SLC46A3: variants seen among roughly 807,000 people sequenced by gnomAD.
SLC46A3 encodes the protein lysosomal proton-coupled steroid conjugate and bile acid symporter SLC46A3.
Under a neutral mutation model 38.5 loss-of-function variants are expected in SLC46A3, and 26 were observed. The ratio of observed to expected loss-of-function variants is 0.68; its 90% CI spans 0.49 to 0.94. The LOEUF is 0.94. SLC46A3 is among the 40% of genes least tolerant of loss of function. SLC46A3 has a pLI of 0.00. For synonymous variants in SLC46A3, 185 were observed against 192.5 expected, an observed-to-expected ratio of 0.96 and a Z score of 0.32; for missense variants, 510 against 544.3, an observed-to-expected ratio of 0.94 and a Z score of 0.63.
intron 4 of SLC46A3, among the ~76,000 whole-genome samples, chr13:28,709,180 G>C (rs1021607248): frequency 1.1e-4 from 17 of 151,940 alleles, no homozygotes; most frequent in South Asian, 4.2e-4. Context: ...AAATTAGCCA[G>C]GCATGGTGGC....
At chr13:28,702,490 A>G (rs981472324) in intron 5 of SLC46A3, among the ~76,000 whole-genome samples, 1 of 152,210 alleles carries the variant, frequency 6.6e-6, no homozygotes, top group African/African-American at 2.4e-5. Flanking sequence ...TGAACTTTGA[A>G]AAAAGAGCTT....
Position 28,712,987 on chromosome 13 carries a change from A to G in SLC46A3, c.753T>C (p.Asn251=), listed in dbSNP as rs1399654713. The change falls in exon 3 of 6, where the codon AAT becomes AAC. Residue 251 remains asparagine, a synonymous_variant. Transcript: ENST00000266943. ...GCAAAAATCGTCTCTTACCAGAAGC[A>G]TTCTTAAAAAGCATGTAAGTTCGGT... ...LFYRTYMLFK[N]ASGKRRFLLC... 6.2e-7 allele frequency: 1 copy of G among 1,613,496 alleles called. No homozygotes were observed. The highest frequency in any genetic ancestry group is 2.2e-5 in the East Asian group (1 of 44,870).
chr13:28,712,975 C>G lies in SLC46A3; in HGVS notation c.765G>C (p.Lys255Asn). Residue 255 changes from lysine (K) to asparagine (N), a missense_variant, in exon 3 of 6, where the codon AAG becomes AAC. Lys to Asn is a moderately conservative substitution (Grantham distance 94, BLOSUM62 0). Transcript: ENST00000266943. ...GTAACAAACAGAGCAAAAATCGTCTCTTACCAGAAGCATTCTTAAAAAGCA... is the reference window on the plus strand; with the variant it reads ...GTAACAAACAGAGCAAAAATCGTCTGTTACCAGAAGCATTCTTAAAAAGCA... Reference protein sequence around the residue: ...TYMLFKNASGKRRFLLCLLLF... With the variant: ...TYMLFKNASGNRRFLLCLLLF... 1 of 1,613,220 alleles carries G rather than the reference C, an allele frequency of 6.2e-7. No individual in the cohort carries two copies.
In SLC46A3 at chr13:28,700,901, A is replaced by G. The variant is rs576921249; in HGVS notation, c.*596T>C. 1.0e-5 allele frequency: 14 copies of G among 1,387,212 alleles called. No individual in the cohort carries two copies. In the African/African-American group the frequency reaches 2.0e-4, roughly 20 times the overall value. The allele number at this position is 1,387,212 out of a possible 1,614,324, so 85.9% of individuals were successfully genotyped here. A position where few individuals can be genotyped will look rare whatever the true frequency, so the allele number is the denominator to read the frequency against. On this transcript the variant is annotated 3_prime_UTR_variant, in exon 6 of 6. Transcript: ENST00000266943. ...AGCACTGATTGTGGAATTCATGTAT[A>G]GTCTTCAGAAGTCACAGTATATAAG...
chr13:28,702,569 TTG>T, intron 5 of SLC46A3, among the ~76,000 whole-genome samples: 2 of 152,334 alleles, frequency 1.3e-5, no homozygotes, highest in East Asian at 3.9e-4. Context: ...GTAAGATCAG[TTG>T]TCTCATGTGC....
At chr13:28,706,639 T>G (rs1459584796) in intron 4 of SLC46A3, among the ~76,000 whole-genome samples, 5 of 152,336 alleles carry the variant, frequency 3.3e-5, no homozygotes, top group African/African-American at 1.2e-4. Flanking sequence ...TTTGAACTCC[T>G]GGTCTCAAGT....
chr13:28,712,998 G>C lies in SLC46A3; in HGVS notation c.742C>G (p.Leu248Val). The C allele has an allele frequency of 6.2e-7, 1 of 1,613,264 alleles. No individual in the cohort carries two copies. Among genetic ancestry groups the C allele is most frequent in the African/African-American group, 1.3e-5 (1 of 74,992 alleles). ...CTCTTACCAGAAGCATTCTTAAAAA[G>C]CATGTAAGTTCGGTAAAATAGGTTT... Reference protein sequence around the residue: ...FKNLFYRTYMLFKNASGKRRF... With the variant: ...FKNLFYRTYMVFKNASGKRRF... Residue 248 changes from leucine to valine, a missense_variant, in exon 3 of 6, where the codon CTT becomes GTT. Coordinates refer to ENST00000266943, the MANE Select transcript of SLC46A3 (RefSeq NM_181785.4).
chr13:28,709,960 T>C (rs906724337), intron 4 of SLC46A3, among the ~76,000 whole-genome samples: 6 of 152,226 alleles, frequency 3.9e-5, no homozygotes, highest in Non-Finnish European at 5.9e-5. Flanking sequence ...ATCAGAGGCC[T>C]ATATATTATA....
At chr13:28,708,695 G>A (rs556999356) in intron 4 of SLC46A3, among the ~76,000 whole-genome samples, 12 of 147,764 alleles carry the variant, frequency 8.1e-5, no homozygotes, top group African/African-American at 2.5e-4. Context: ...TCCTAACCTC[G>A]GGTCATCCAC....
At chr13:28,711,292 C>T (rs980561698) in intron 3 of SLC46A3, among the ~76,000 whole-genome samples, 1 of 152,024 alleles carries the variant, frequency 6.6e-6, no homozygotes, top group Non-Finnish European at 1.5e-5. Flanking sequence ...GGCGTGGTGG[C>T]GCATGCCTGC....
chr13:28,700,945 G>A lies in SLC46A3; in HGVS notation c.*552C>T, dbSNP rs1884998594. The A allele has an allele frequency of 2.6e-6, 4 of 1,512,354 alleles. No individual in the cohort carries two copies. The African/African-American group carries it at 5.5e-5, about 21-fold the overall frequency. The allele number at this position is 1,512,354 out of a possible 1,614,324, so 93.7% of individuals were successfully genotyped here. On this transcript the variant is annotated 3_prime_UTR_variant, in exon 6 of 6. Transcript: ENST00000266943. ...ATATAAGCTCCGACTATCAATAGCA[G>A]CTTAACAGGCTCTATAAAATAAAGC... is the stretch of plus-strand genomic sequence containing the variant.
At chr13:28,704,862 A>G (rs987227091) in intron 4 of SLC46A3, among the ~76,000 whole-genome samples, 3 of 152,186 alleles carry the variant, frequency 2.0e-5, no homozygotes, top group African/African-American at 4.8e-5. Flanking sequence ...GGATTCTGCT[A>G]TGGTCACACT....
chr13:28,707,722 G>A (rs1885218340), intron 4 of SLC46A3, among the ~76,000 whole-genome samples: 1 of 151,966 alleles, frequency 6.6e-6, no homozygotes, highest in Non-Finnish European at 1.5e-5. Flanking sequence ...CCCTTTTAAA[G>A]TCTGCAATTC....
chr13:28,717,238 C>A lies in SLC46A3; in HGVS notation c.189+572G>T, dbSNP rs917277076. ...GTCCCCACACAGCTGCTCCTCAACA[C>A]GTGAGAGCCAAGGCTGATTTGATAC... is the stretch of plus-strand genomic sequence containing the variant. On this transcript the variant is annotated intron_variant, in intron 2 of 5. Coordinates refer to ENST00000266943, the MANE Select transcript of SLC46A3 (RefSeq NM_181785.4). 2.0e-5 allele frequency among the ~76,000 whole-genome samples: 3 copies of A among 152,084 alleles called. No individual in the cohort carries two copies. The South Asian group carries it at 6.2e-4, about 32-fold the overall frequency.
At chr13:28,704,225 T>G (rs927583729) in intron 4 of SLC46A3, 126 bp from the exon 5 acceptor site, 3 of 857,688 alleles carry the variant, frequency 3.5e-6, no homozygotes, top group Non-Finnish European at 3.5e-6. Context: ...GCTGGGTGAA[T>G]GAAATGAAAG....
chr13:28,701,670 T>C, intron 5 of SLC46A3, 89 bp from the exon 6 acceptor site: 2 of 1,199,990 alleles, frequency 1.7e-6, no homozygotes, highest in Non-Finnish European at 2.4e-6. Context: ...CCCAGTTACA[T>C]AGCTTTTAAT....
intron 3 of SLC46A3, among the ~76,000 whole-genome samples, chr13:28,712,056 AAAG>A (rs1885359701): frequency 6.6e-6 from 1 of 152,204 alleles, no homozygotes; most frequent in Non-Finnish European, 1.5e-5. Context: ...TTATTAGAGA[AAAG>A]AGTAAATTGG....
rs1337437741 is a variant in SLC46A3 at position 28,702,529 on chromosome 13, A to G, written c.1302-948T>C. Among the ~76,000 whole-genome samples the G allele has an allele frequency of 2.0e-5, 3 of 152,248 alleles. No homozygotes were observed. The East Asian group carries it at 5.8e-4, about 29-fold the overall frequency. ...ATATATTCATGAATTGCTTTATGAT[A>G]CAGCTGAATAGTACTATTATCAACA... On this transcript the variant is annotated intron_variant, in intron 5 of 5. Transcript: ENST00000266943.
intron 3 of SLC46A3, among the ~76,000 whole-genome samples, chr13:28,711,302 C>G (rs560415845): frequency 8.6e-5 from 13 of 152,022 alleles, no homozygotes; most frequent in African/African-American, 3.1e-4. Context: ...CGCATGCCTG[C>G]AATCCCAGCT....
Sources: allele counts gnomAD v4.1 joint callset (sites outside exome capture counted in the v4.1 genomes callset), GRCh38; gene constraint gnomAD v4.1.1; transcripts MANE v1.5; gene names NCBI Gene and HGNC (gene_info 2026-07-23, HGNC 2026-07-21).